Variants in PCID2 observed in about 807,000 individuals in gnomAD.
PCID2 encodes PCI domain containing 2, also known as PCI domain-containing protein 2.
Under a neutral mutation model 61.3 loss-of-function variants are expected in PCID2, and 41 were observed. The observed-to-expected ratio is 0.67, with a 90% confidence interval of 0.52 to 0.87. The LOEUF (loss-of-function observed/expected upper bound fraction) is 0.87, where lower values mean the gene tolerates loss of function less well. Ranked by LOEUF, PCID2 falls within the 40% of genes least tolerant of loss-of-function variation. The probability of loss-of-function intolerance (pLI) is 0.00; values close to 1 mark genes in which losing one functional copy is unlikely to be tolerated. For synonymous variants in PCID2, 187 were observed against 177.8 expected (o/e 1.05, Z -0.41); for missense variants, 392 against 493.4 (o/e 0.79, Z 1.95).
In PCID2 at chr13:113,182,684, T is replaced by C. The variant is rs912785303; in HGVS notation, c.686-1454A>G. On this transcript the variant is annotated intron_variant, in intron 9 of 13. Transcript: ENST00000337344. ...CCCAGCTAATTTTTTGTATTTTTAG[T>C]AGAGACGGGGTTTCACCGTGGTCTC... 2.6e-5 allele frequency among the ~76,000 whole-genome samples: 4 copies of C among 152,194 alleles called. No homozygotes were observed. In the East Asian group the frequency reaches 7.8e-4, roughly 30 times the overall value.
At chr13:113,185,768 G>C (rs2138727302) in intron 7 of PCID2, 1 of 437,454 alleles carries the variant, frequency 2.3e-6, no homozygotes, top group East Asian at 3.4e-5. Context: ...AAAAATAAAA[G>C]AGAAAACAAA....
At position 113,184,448 on chromosome 13, in the gene PCID2, T is replaced by C. The variant is rs536655893; in HGVS notation, c.583A>G (p.Ile195Val). 12 of 1,591,182 alleles carry C rather than the reference T, an allele frequency of 7.5e-6. No individual in the cohort carries two copies. In the East Asian group the frequency reaches 2.0e-4, roughly 27 times the overall value. The change falls in exon 9 of 14, where the codon ATT (isoleucine) becomes GTT (valine). Residue 195 changes from isoleucine to valine, a missense_variant. This residue lies in a region of PCID2 where 226 missense variants were observed against 296.5 expected (regional missense o/e 0.76). Transcript: ENST00000337344. ...LHLCKPLIRA[I>V]DSSNLKDDYS... ...TCGTCTTTCAGGTTTGAGCTGTCAATTGCTCTAATTAGGGGTTTACATAAA... is the reference window on the plus strand; with the variant it reads ...TCGTCTTTCAGGTTTGAGCTGTCAACTGCTCTAATTAGGGGTTTACATAAA...
At chr13:113,167,270 A>G in the PCID2 span, among the ~76,000 whole-genome samples, 1 of 152,210 alleles carries the variant, frequency 6.6e-6, no homozygotes, top group African/African-American at 2.4e-5. Context: ...CTAGAGGTGC[A>G]GTGAGGATTA....
At chr13:113,185,748 C>T (rs2038053979) in intron 7 of PCID2, 188 bp from the exon 8 acceptor site, 1 of 466,142 alleles carries the variant, frequency 2.1e-6, no homozygotes, top group African/African-American at 2.0e-5. Context: ...AGATGTCTTA[C>T]CTGATGGGTA....
At chr13:113,165,193 AATGTTG>A in the PCID2 span, 4 of 1,483,680 alleles carry the variant, frequency 2.7e-6, no homozygotes, top group Non-Finnish European at 3.7e-6. Context: ...CCTAAATAGA[AATGTTG>A]ACAACTAAGT....
At chr13:113,167,974 A>G in the PCID2 span, among the ~76,000 whole-genome samples, 45 of 152,224 alleles carry the variant, frequency 3.0e-4, no homozygotes, top group Admixed American at 1.8e-3. Flanking sequence ...TGGAGAATGC[A>G]TCTTTACCCT....
chr13:113,204,048 C>T (rs1315548768), intron 1 of PCID2, among the ~76,000 whole-genome samples: 4 of 152,252 alleles, frequency 2.6e-5, no homozygotes, highest in African/African-American at 7.2e-5. Context: ...GCTGGCCAAG[C>T]CGTGCTCTCT....
the PCID2 span, among the ~76,000 whole-genome samples, chr13:113,165,597 C>G: frequency 6.5e-4 from 99 of 152,286 alleles, no homozygotes; most frequent in Non-Finnish European, 1.3e-3. Context: ...GTGGTCCAGT[C>G]CCGGCTCACT....
intron 1 of PCID2, among the ~76,000 whole-genome samples, chr13:113,201,701 ACT>A (rs1161591752): frequency 6.6e-6 from 1 of 151,328 alleles, no homozygotes; most frequent in African/African-American, 2.4e-5. Context: ...AGTCCCAGGT[ACT>A]CGGGAGGCTG....
chr13:113,184,050 A>G, intron 9 of PCID2: 1 of 973,588 alleles, frequency 1.0e-6, no homozygotes. Flanking sequence ...TCAAAAAGCA[A>G]ATAAAGAAAA....
At chr13:113,171,876 A>G in the PCID2 span, 1 of 1,613,480 alleles carries the variant, frequency 6.2e-7, no homozygotes, top group South Asian at 1.1e-5. This position sits in a 1 kb window ranked among gnomAD's most constrained non-coding sequence, Gnocchi z 5.1. Flanking sequence ...GTGGAGGGGG[A>G]GGAGTGCGGG....
Position 113,208,650 on chromosome 13 carries a change from C to T in PCID2, c.-16G>A, listed in dbSNP as rs769248937. 25 of 1,604,392 alleles carry T rather than the reference C, an allele frequency of 1.6e-5. No individual in the cohort carries two copies. Among genetic ancestry groups the T allele is most frequent in the East Asian group, 4.5e-5 (2 of 44,208 alleles). The stretch of plus-strand genomic sequence containing the variant: ...TGTGCGCCATGGGAGCGCCGCCGAA[C>T]GGAGAGCGCCACCCCCTACGCCTCA... On this transcript the variant is annotated 5_prime_UTR_variant, in exon 1 of 14. Transcript: ENST00000337344.
At chr13:113,178,685 G>A (rs759294369) in intron 13 of PCID2, among the ~76,000 whole-genome samples, 2 of 152,182 alleles carry the variant, frequency 1.3e-5, no homozygotes, top group African/African-American at 4.8e-5. Flanking sequence ...CGTCCTATCA[G>A]TGACTGAAGC....
At chr13:113,172,073 T>C in the PCID2 span, 3 of 1,612,980 alleles carry the variant, frequency 1.9e-6, no homozygotes, top group Middle Eastern at 3.3e-4. Flanking sequence ...GGTCTCCAGG[T>C]ACTCACTCTG....
the PCID2 span, chr13:113,165,268 C>T: frequency 1.3e-6 from 1 of 766,102 alleles, no homozygotes; most frequent in Non-Finnish European, 2.2e-6. Flanking sequence ...TCTATTCACA[C>T]TTCCAACCAT....
chr13:113,193,439 T>A (rs1191594250), intron 6 of PCID2, among the ~76,000 whole-genome samples: 3 of 152,224 alleles, frequency 2.0e-5, no homozygotes, highest in Non-Finnish European at 2.9e-5. Context: ...AACAGTGTAC[T>A]GCAACAGAGT....
At chr13:113,190,247 A>C (rs76781394) in intron 7 of PCID2, among the ~76,000 whole-genome samples, 1 of 151,166 alleles carries the variant, frequency 6.6e-6, no homozygotes, top group Non-Finnish European at 1.5e-5. Context: ...AAAAAAAAAA[A>C]CCAACTATGC....
downstream of PCID2, among the ~76,000 whole-genome samples, chr13:113,173,926 C>T (rs2037152493): frequency 6.6e-6 from 1 of 152,116 alleles, no homozygotes; most frequent in African/African-American, 2.4e-5. Context: ...AGAGTGGAAG[C>T]CCTGCTTGAA....
Position 113,179,941 on chromosome 13 carries a change from G to A in PCID2, c.962C>T (p.Thr321Ile), listed in dbSNP as rs1157667198. ...FLILEKLKII[T>I]YRNLFKKVYL... is the part of the protein sequence containing the mutation. ...CACTTTCTTAAAGAGGTTCCTGTAG[G>A]TGATGATCTTCAGCTTCTCCAGGAT... The change falls in exon 12 of 14, where the codon ACC (threonine) becomes ATC (isoleucine). Residue 321 changes from threonine to isoleucine, a missense_variant. Thr to Ile is a moderately conservative substitution (Grantham distance 89). This residue lies in a region of PCID2 where 226 missense variants were observed against 296.5 expected (regional missense o/e 0.76). Transcript: ENST00000337344. The surrounding 1 kb of genome is among the most constrained non-coding windows in gnomAD (Gnocchi z 4.3). 1 of 1,613,704 alleles carries A rather than the reference G, an allele frequency of 6.2e-7. No homozygotes were observed. Among genetic ancestry groups the A allele is most frequent in the Non-Finnish European group, 8.5e-7 (1 of 1,179,830 alleles).
Sources: gnomAD v4.1 joint callset for allele counts (sites outside exome capture counted in the v4.1 genomes callset) on GRCh38, gnomAD v4.1.1 for gene constraint, gnomAD v4.1.1 regional missense constraint, Gnocchi (gnomAD v3.1) non-coding constraint, MANE v1.5 for transcripts, NCBI Gene and HGNC (gene_info 2026-07-23, HGNC 2026-07-21) for gene names.